NECTIN3: variants seen among roughly 807,000 people sequenced by gnomAD.
The protein encoded by NECTIN3 is nectin cell adhesion molecule 3.
A neutral mutation model predicts 49.4 loss-of-function variants in NECTIN3; 8 were observed. The ratio of observed to expected loss-of-function variants is 0.16; its 90% CI spans 0.10 to 0.29. NECTIN3 has a LOEUF of 0.29. Ranked by LOEUF, NECTIN3 falls within the 10% of genes least tolerant of loss-of-function variation. The pLI is 1.00. For missense variants in NECTIN3, 581 were observed against 654.6 expected (o/e 0.89, Z 1.23); for synonymous variants, 277 against 241.1 (o/e 1.15, Z -1.38).
downstream of NECTIN3, among the ~76,000 whole-genome samples, chr3:111,139,707 T>A (rs977736615): frequency 3.3e-5 from 5 of 151,778 alleles, no homozygotes; most frequent in East Asian, 1.9e-4. Context: ...ACCTCACATC[T>A]TCTTCTGGTT....
chr3:111,160,903 AG>A (rs997155748), intron 7 of NECTIN3, among the ~76,000 whole-genome samples: 1 of 152,178 alleles, frequency 6.6e-6, no homozygotes, highest in African/African-American at 2.4e-5. Context: ...GCTACTTGGG[AG>A]GCTGAGGCAG....
chr3:111,122,471 G>A (rs1442491456), intron 4 of NECTIN3, among the ~76,000 whole-genome samples: 1 of 151,930 alleles, frequency 6.6e-6, no homozygotes, highest in African/African-American at 2.4e-5. Flanking sequence ...TACAGTCAGA[G>A]GTCTTAAGCT....
downstream of NECTIN3, among the ~76,000 whole-genome samples, chr3:111,140,911 T>C (rs2034727230): frequency 2.0e-5 from 3 of 152,110 alleles, no homozygotes; most frequent in South Asian, 6.2e-4. Flanking sequence ...TCATGAAATG[T>C]CTTTTTTAAA....
chr3:111,185,559 T>C (rs925994705), intron 7 of NECTIN3, among the ~76,000 whole-genome samples: 2 of 152,160 alleles, frequency 1.3e-5, no homozygotes, highest in Admixed American at 1.3e-4. Context: ...GGGCAAGATA[T>C]ATCAATCAAA....
intron 7 of NECTIN3, among the ~76,000 whole-genome samples, chr3:111,165,516 A>G (rs942968256): frequency 1.3e-5 from 2 of 152,148 alleles, no homozygotes; most frequent in African/African-American, 4.8e-5. Flanking sequence ...GAGTAGAGAA[A>G]ATCTTTTAAG....
In NECTIN3 at chr3:111,096,519, C is replaced by T. The variant is rs554022017; in HGVS notation, c.161-15511C>T. Among the ~76,000 whole-genome samples the T allele has an allele frequency of 3.3e-5, 5 of 152,292 alleles. No individual in the cohort carries two copies. In the South Asian group the frequency reaches 6.2e-4, roughly 19 times the overall value. On this transcript the variant is annotated intron_variant, in intron 1 of 5. Coordinates refer to ENST00000485303, the MANE Select transcript of NECTIN3 (RefSeq NM_015480.3). ...TTAATCATCAAGACAATGGGGAAAA[C>T]GTCTCCATGCCATGTCAGAGACCTC... is the stretch of plus-strand genomic sequence containing the variant.
rs942712847 is a variant in NECTIN3, at chr3:111,072,338, G to T, written c.160+161G>T. 4 of 1,439,986 alleles carry T rather than the reference G, an allele frequency of 2.8e-6. No homozygotes were observed. The Admixed American group carries it at 1.1e-4, about 41-fold the overall frequency. 89.2% of individuals were successfully genotyped at this position (1,439,986 alleles called of 1,614,324 possible). ...GGAAACTTTTCGCCGCGCCCGGGGC[G>T]AGGCCCTGGAAGGGCCAGGCCAGCG... is the stretch of plus-strand genomic sequence containing the variant. On this transcript the variant is annotated intron_variant, in intron 1 of 5. Coordinates refer to ENST00000485303, the MANE Select transcript of NECTIN3 (RefSeq NM_015480.3).
intron 6 of NECTIN3, among the ~76,000 whole-genome samples, chr3:111,146,058 G>GA (rs368459666): frequency 8.5e-5 from 13 of 152,054 alleles, no homozygotes; most frequent in Non-Finnish European, 1.9e-4. Flanking sequence ...CGTTGGATTA[G>GA]AAAAAACAAT....
At chr3:111,138,429 G>GT (rs1326736951), downstream of NECTIN3, among the ~76,000 whole-genome samples, 3 of 150,904 alleles carry the variant, frequency 2.0e-5, no homozygotes, top group South Asian at 2.1e-4. Context: ...ATATTTCTGG[G>GT]TTTTTTTTCT....
At position 111,122,104 on chromosome 3, in the gene NECTIN3, A is replaced by G. The variant is rs1485963904; in HGVS notation, c.800-17A>G. On this transcript the variant is annotated splice_polypyrimidine_tract_variant and intron_variant, in intron 3 of 5. Coordinates refer to ENST00000485303, the MANE Select transcript of NECTIN3 (RefSeq NM_015480.3). ...TTAACAAAAGGTAATCTGTCCTGTC[A>G]TGCATTTATTTTATAGATGCTCCTG... 6.1e-6 allele frequency: 9 copies of G among 1,469,578 alleles called. No individual in the cohort carries two copies. In the East Asian group the frequency reaches 1.1e-4, roughly 18 times the overall value. The allele number at this position is 1,469,578 out of a possible 1,614,324, so 91.0% of individuals were successfully genotyped here. A position where few individuals can be genotyped will look rare whatever the true frequency, so the allele number is the denominator to read the frequency against.
chr3:111,072,304 A>T, intron 1 of NECTIN3, 127 bp downstream of exon 1: 1 of 1,437,424 alleles, frequency 7.0e-7, no homozygotes, highest in East Asian at 2.6e-5. Context: ...AGTGCCGAGG[A>T]CTTTGGCTGG....
chr3:111,146,943 C>G (rs1022394584), intron 6 of NECTIN3, among the ~76,000 whole-genome samples: 1 of 151,996 alleles, frequency 6.6e-6, no homozygotes, highest in African/African-American at 2.4e-5. Context: ...ATGGTCTGTA[C>G]GTTGAAAATA....
At chr3:111,125,331 AT>A (rs1278909697) in intron 4 of NECTIN3, among the ~76,000 whole-genome samples, 2 of 151,638 alleles carry the variant, frequency 1.3e-5, no homozygotes, top group African/African-American at 4.9e-5. Flanking sequence ...GCCCGGCCTT[AT>A]CCTCTTTAAA....
chr3:111,086,371 T>C (rs2031929962), intron 1 of NECTIN3, among the ~76,000 whole-genome samples: 2 of 152,158 alleles, frequency 1.3e-5, no homozygotes, highest in Non-Finnish European at 2.9e-5. Flanking sequence ...TAGTACACCA[T>C]CATGAAATTT....
intron 1 of NECTIN3, among the ~76,000 whole-genome samples, chr3:111,085,519 C>CA (rs1353121617): frequency 6.6e-6 from 1 of 152,094 alleles, no homozygotes; most frequent in Non-Finnish European, 1.5e-5. Flanking sequence ...TTTTCCTGGT[C>CA]AAAAAATAAA....
chr3:111,166,135 C>T (rs538273492), intron 7 of NECTIN3, among the ~76,000 whole-genome samples: 1 of 152,286 alleles, frequency 6.6e-6, no homozygotes, highest in Admixed American at 6.5e-5. Flanking sequence ...TTTAGAGTTG[C>T]AGTTTCATGT....
Position 111,071,868 on chromosome 3 carries a change from G to C in NECTIN3, c.-150G>C, listed in dbSNP as rs1008310524. On this transcript the variant is annotated 5_prime_UTR_variant, in exon 1 of 6. Coordinates refer to ENST00000485303, the MANE Select transcript of NECTIN3 (RefSeq NM_015480.3). ...GGTGTCGAGGCAGCCGCCAGCGTTCGGCCAAGTGTCAGCCGGCAGCGACGG... is the reference window on the plus strand; with the variant it reads ...GGTGTCGAGGCAGCCGCCAGCGTTCCGCCAAGTGTCAGCCGGCAGCGACGG... The C allele has an allele frequency of 4.3e-6, 2 of 459,914 alleles. No individual in the cohort carries two copies. The highest frequency in any genetic ancestry group is 9.1e-5 in the Admixed American group (2 of 21,902). The allele number at this position is 459,914 out of a possible 1,614,324, so 28.5% of individuals were successfully genotyped here. A position where few individuals can be genotyped will look rare whatever the true frequency, so the allele number is the denominator to read the frequency against.
chr3:111,190,384 T>A (rs2035794019), upstream of NECTIN3, among the ~76,000 whole-genome samples: 1 of 152,224 alleles, frequency 6.6e-6, no homozygotes, highest in Non-Finnish European at 1.5e-5. Context: ...ACTATTTTTA[T>A]TGCACAAACC....
rs1181589159 is a variant in NECTIN3, at chr3:111,136,788, G to A, written c.*2573G>A. ...CACTTGAGAGTTTTCTTTCATACTG[G>A]TTAAAATATTTCAATGATATAATGA... On this transcript the variant is annotated 3_prime_UTR_variant, in exon 6 of 6. Coordinates refer to ENST00000485303, the MANE Select transcript of NECTIN3 (RefSeq NM_015480.3). 1 of 935,802 alleles carries A rather than the reference G, an allele frequency of 1.1e-6. No individual in the cohort carries two copies. Among genetic ancestry groups the A allele is most frequent in the Admixed American group, 6.2e-5 (1 of 16,038 alleles). The allele number at this position is 935,802 out of a possible 1,614,324, so 58.0% of individuals were successfully genotyped here.
Sources: gnomAD v4.1 joint callset for allele counts (sites outside exome capture counted in the v4.1 genomes callset) on GRCh38, gnomAD v4.1.1 for gene constraint, MANE v1.5 for transcripts, NCBI Gene and HGNC (gene_info 2026-07-23, HGNC 2026-07-21) for gene names.